The following UST variants were observed in gnomAD, a reference collection of about 807,000 sequenced individuals.
The protein encoded by UST is uronyl 2-sulfotransferase, also known as chondroitin sulfate 2-O-sulfotransferase.
A neutral mutation model predicts 45.6 loss-of-function variants in UST; 21 were observed. The ratio of observed to expected loss-of-function variants is 0.46; its 90% CI spans 0.33 to 0.66. The LOEUF is 0.66. UST is among the 30% of genes least tolerant of loss of function. The pLI, the probability that UST is intolerant of heterozygous loss-of-function variation, is 0.02. For missense variants in UST, 463 were observed against 512.4 expected (o/e 0.90, Z 0.93); for synonymous variants, 215 against 200.6 (o/e 1.07, Z -0.61).
chr6:148,916,396 G>A (rs9377177), intron 2 of UST, among the ~76,000 whole-genome samples: 55,003 of 152,082 alleles, frequency 0.36, 10,320 homozygotes, highest in South Asian at 0.54. Context: ...GTGAAGGGAA[G>A]CAAGGGGAGG....
At chr6:148,961,370 C>T (rs1486819360) in intron 4 of UST, among the ~76,000 whole-genome samples, 1 of 152,118 alleles carries the variant, frequency 6.6e-6, no homozygotes, top group Non-Finnish European at 1.5e-5. Flanking sequence ...CTAGTGTATG[C>T]ACTACTTAGA....
intron 5 of UST, among the ~76,000 whole-genome samples, chr6:148,999,026 C>T (rs1301666955): frequency 6.6e-6 from 1 of 152,226 alleles, no homozygotes; most frequent in Admixed American, 6.5e-5. Context: ...CTGAGTGGAG[C>T]CCGCATCTGG....
intron 2 of UST, among the ~76,000 whole-genome samples, chr6:148,895,827 C>T (rs1015644478): frequency 6.6e-6 from 1 of 152,188 alleles, no homozygotes; most frequent in African/African-American, 2.4e-5. Flanking sequence ...TTGTAAATTA[C>T]CCAGTCTTGG....
At chr6:148,858,510 A>C (rs1453696094) in intron 1 of UST, among the ~76,000 whole-genome samples, 2 of 129,986 alleles carry the variant, frequency 1.5e-5, no homozygotes, top group Non-Finnish European at 3.3e-5. Flanking sequence ...TTTTTTTTTT[A>C]ATTATACTTT....
chr6:148,891,715 T>C (rs1329159029), intron 2 of UST, among the ~76,000 whole-genome samples: 3 of 152,232 alleles, frequency 2.0e-5, no homozygotes, highest in African/African-American at 7.2e-5. Context: ...TTTGCACTTT[T>C]AAATAAGCAA....
chr6:148,977,230 A>G (rs1781031878), intron 5 of UST, among the ~76,000 whole-genome samples: 1 of 151,740 alleles, frequency 6.6e-6, no homozygotes, highest in Admixed American at 6.6e-5. Flanking sequence ...TATACAGAAC[A>G]CTATTCTATA....
At chr6:149,009,187 G>A (rs970906645) in intron 5 of UST, among the ~76,000 whole-genome samples, 1 of 152,094 alleles carries the variant, frequency 6.6e-6, no homozygotes, top group Non-Finnish European at 1.5e-5. Flanking sequence ...AAGAAAGAAC[G>A]CTTAGACATT....
chr6:149,003,157 G>A (rs1323580553), intron 5 of UST, among the ~76,000 whole-genome samples: 2 of 152,122 alleles, frequency 1.3e-5, no homozygotes, highest in Non-Finnish European at 2.9e-5. Context: ...TGGCATGATA[G>A]AACTATGGCC....
chr6:148,971,352 T>C (rs1780915660), intron 5 of UST, among the ~76,000 whole-genome samples: 2 of 152,214 alleles, frequency 1.3e-5, no homozygotes, highest in South Asian at 4.1e-4. Flanking sequence ...AATAAAATGT[T>C]GAGCTAAAAT....
At chr6:148,906,384 G>A (rs539772045) in intron 2 of UST, among the ~76,000 whole-genome samples, 3 of 152,294 alleles carry the variant, frequency 2.0e-5, no homozygotes, top group South Asian at 4.1e-4. Flanking sequence ...ATGATTGTTT[G>A]CTACAAATTA....
chr6:148,753,035 C>G (rs960355559), intron 1 of UST, among the ~76,000 whole-genome samples: 2 of 152,144 alleles, frequency 1.3e-5, no homozygotes, highest in Non-Finnish European at 2.9e-5. Flanking sequence ...TAACATTTCA[C>G]AAAAATTCTT....
At chr6:148,959,628 T>A (rs1033449234) in intron 4 of UST, among the ~76,000 whole-genome samples, 2 of 152,206 alleles carry the variant, frequency 1.3e-5, no homozygotes, top group Admixed American at 1.3e-4. Flanking sequence ...ATGAGTATAA[T>A]CTGGACTTTC....
At chr6:148,993,934 C>T (rs1263009090) in intron 5 of UST, among the ~76,000 whole-genome samples, 1 of 149,094 alleles carries the variant, frequency 6.7e-6, no homozygotes, top group Non-Finnish European at 1.5e-5. Context: ...TTATAAATTA[C>T]CCAGTCTTGA....
At chr6:148,975,722 A>G (rs186072734) in intron 5 of UST, among the ~76,000 whole-genome samples, 6 of 152,362 alleles carry the variant, frequency 3.9e-5, no homozygotes, top group African/African-American at 1.2e-4. Flanking sequence ...TTATGAATAA[A>G]TAGTGTAGGA....
intron 5 of UST, among the ~76,000 whole-genome samples, chr6:148,992,301 G>A (rs1376270085): frequency 6.6e-6 from 1 of 152,082 alleles, no homozygotes; most frequent in African/African-American, 2.4e-5. Context: ...TCAGGAGATC[G>A]AGACCATCCT....
At chr6:148,764,187 T>C (rs1776275476) in intron 1 of UST, among the ~76,000 whole-genome samples, 1 of 152,212 alleles carries the variant, frequency 6.6e-6, no homozygotes. Flanking sequence ...TGTTTTATAA[T>C]TCTTGTGGAG....
intron 5 of UST, among the ~76,000 whole-genome samples, chr6:148,966,713 T>C (rs903923367): frequency 2.0e-5 from 3 of 152,154 alleles, no homozygotes; most frequent in African/African-American, 7.2e-5. Context: ...GGGAAAAAAT[T>C]ATGGTTTGGA....
intron 5 of UST, among the ~76,000 whole-genome samples, chr6:148,995,547 A>G (rs925696555): frequency 2.0e-5 from 3 of 152,256 alleles, no homozygotes; most frequent in Admixed American, 6.5e-5. Context: ...CCAGAAACAT[A>G]GTACAGCAGG....
At chr6:148,937,119 C>A (rs770030180) in intron 2 of UST, among the ~76,000 whole-genome samples, 2 of 152,176 alleles carry the variant, frequency 1.3e-5, no homozygotes, top group African/African-American at 4.8e-5. Context: ...TACATAGGTT[C>A]TTTTAGAAAA....
Sources: gnomAD v4.1 joint callset for allele counts (sites outside exome capture counted in the v4.1 genomes callset) on GRCh38, gnomAD v4.1.1 for gene constraint, MANE v1.5 for transcripts, NCBI Gene and HGNC (gene_info 2026-07-23, HGNC 2026-07-21) for gene names.